The following SMIM14 variants were observed in gnomAD, a reference collection of about 807,000 sequenced individuals.
The protein encoded by SMIM14 is small integral membrane protein 14, also known as chromosome 4 open reading frame 34.
SMIM14 carries 5 observed loss-of-function variants against 12.6 expected under a neutral mutation model. That is an observed-to-expected ratio of 0.40 (90% confidence interval 0.21 to 0.83). SMIM14 has a LOEUF of 0.83. Ranked by LOEUF, SMIM14 falls within the 40% of genes least tolerant of loss-of-function variation. The pLI is 0.37. For synonymous variants in SMIM14, 30 were observed against 40.1 expected, an observed-to-expected ratio of 0.75 and a Z score of 0.95; for missense variants, 86 against 119.1, an observed-to-expected ratio of 0.72 and a Z score of 1.29.
intron 1 of SMIM14, chr4:39,611,878 T>C (rs1715049302): frequency 6.6e-6 from 1 of 152,198 alleles, no homozygotes; most frequent in Non-Finnish European, 1.5e-5. Flanking sequence ...ACATGGTGAT[T>C]TGGTGAACCA....
chr4:39,559,456 T>C (rs1278226212), intron 3 of SMIM14, among the ~76,000 whole-genome samples: 7 of 151,400 alleles, frequency 4.6e-5, no homozygotes, highest in African/African-American at 7.3e-5. Flanking sequence ...TAGAGGAAAA[T>C]GTAGTATCCC....
At chr4:39,634,960 C>T (rs1341229774) in intron 1 of SMIM14, among the ~76,000 whole-genome samples, 1 of 152,192 alleles carries the variant, frequency 6.6e-6, no homozygotes, top group Non-Finnish European at 1.5e-5. Flanking sequence ...GACAAGGTTC[C>T]ATATTCACAG....
intron 3 of SMIM14, among the ~76,000 whole-genome samples, chr4:39,557,101 G>A (rs1178929633): frequency 6.8e-6 from 1 of 146,332 alleles, no homozygotes; most frequent in African/African-American, 2.6e-5. Context: ...TGCAACCTCT[G>A]CCTCCCAAGT....
At chr4:39,614,601 C>G (rs1361996234) in intron 1 of SMIM14, among the ~76,000 whole-genome samples, 1 of 152,086 alleles carries the variant, frequency 6.6e-6, no homozygotes, top group African/African-American at 2.4e-5. Context: ...GGATTACAGG[C>G]GTAAACCACT....
At chr4:39,623,981 C>T (rs572179242) in intron 1 of SMIM14, among the ~76,000 whole-genome samples, 4 of 152,188 alleles carry the variant, frequency 2.6e-5, no homozygotes, top group Non-Finnish European at 5.9e-5. Flanking sequence ...AAAAATAGAA[C>T]GTATGCAATT....
intron 1 of SMIM14, among the ~76,000 whole-genome samples, chr4:39,629,961 C>T (rs1013110804): frequency 6.6e-6 from 1 of 152,120 alleles, no homozygotes; most frequent in African/African-American, 2.4e-5. Context: ...TTACAAAATA[C>T]TGGTGTGTTC....
At chr4:39,605,898 C>T (rs569425141) in intron 1 of SMIM14, among the ~76,000 whole-genome samples, 12 of 152,190 alleles carry the variant, frequency 7.9e-5, no homozygotes, top group Admixed American at 3.3e-4. Context: ...GCACCACGCC[C>T]GGCTACTTTT....
chr4:39,572,142 T>A (rs1018838758), intron 3 of SMIM14, among the ~76,000 whole-genome samples: 1 of 151,900 alleles, frequency 6.6e-6, no homozygotes, highest in Non-Finnish European at 1.5e-5. Flanking sequence ...TGTTCTGCAA[T>A]AAGCAGGGTT....
intron 2 of SMIM14, among the ~76,000 whole-genome samples, chr4:39,587,490 C>A (rs1245130093): frequency 1.3e-5 from 1 of 74,260 alleles, no homozygotes; most frequent in African/African-American, 4.8e-5. Flanking sequence ...AGTGAGGCTC[C>A]ATCTCAAAAA....
intron 2 of SMIM14, among the ~76,000 whole-genome samples, chr4:39,601,629 G>A (rs879725786): frequency 3.3e-5 from 5 of 152,104 alleles, no homozygotes; most frequent in Non-Finnish European, 7.4e-5. Flanking sequence ...AAGAAAAAAG[G>A]TCCTCTGAAG....
chr4:39,548,884 A>T lies in SMIM14; in HGVS notation c.*3242T>A, dbSNP rs1186909802. On this transcript the variant is annotated 3_prime_UTR_variant, in exon 5 of 5. Coordinates refer to ENST00000295958, the MANE Select transcript of SMIM14 (RefSeq NM_174921.3). ...AACTAAGTGCATGTGACAGAAATGA[A>T]GAACTAGGAATAAGAATCCAGATTT... The T allele has an allele frequency of 6.6e-6, 1 of 152,214 alleles. No homozygotes were observed. The highest frequency in any genetic ancestry group is 1.5e-5 in the Non-Finnish European group (1 of 68,036). 9.4% of individuals were successfully genotyped at this position (152,214 alleles called of 1,614,324 possible).
At chr4:39,614,159 T>G (rs1715131291) in intron 1 of SMIM14, among the ~76,000 whole-genome samples, 1 of 129,866 alleles carries the variant, frequency 7.7e-6, no homozygotes, top group Admixed American at 9.5e-5. Context: ...CACTCCAGCC[T>G]GGGCAACAAG....
At chr4:39,589,067 T>C (rs1420437359) in intron 2 of SMIM14, among the ~76,000 whole-genome samples, 1 of 152,092 alleles carries the variant, frequency 6.6e-6, no homozygotes, top group African/African-American at 2.4e-5. Context: ...ATTTTTACAG[T>C]ACTTTAATAC....
intron 4 of SMIM14, among the ~76,000 whole-genome samples, chr4:39,555,377 C>T (rs756494294): frequency 1.3e-5 from 2 of 151,818 alleles, no homozygotes; most frequent in South Asian, 4.2e-4. Context: ...AGACTACAGG[C>T]GCATGCCACC....
intron 2 of SMIM14, among the ~76,000 whole-genome samples, chr4:39,598,067 T>C (rs1714447027): frequency 6.6e-6 from 1 of 152,214 alleles, no homozygotes; most frequent in African/African-American, 2.4e-5. Context: ...TCTTGGTCCT[T>C]AACATGCAAC....
At chr4:39,576,694 T>C (rs1423118015) in intron 2 of SMIM14, among the ~76,000 whole-genome samples, 1 of 18,880 alleles carries the variant, frequency 5.3e-5, no homozygotes, top group Admixed American at 7.0e-4. Context: ...ATTTTTTTTT[T>C]TTTTTTTTTT....
chr4:39,635,006 T>C (rs932332681), intron 1 of SMIM14, among the ~76,000 whole-genome samples: 2 of 152,218 alleles, frequency 1.3e-5, no homozygotes, highest in Non-Finnish European at 2.9e-5. Context: ...GAACATTTTT[T>C]TAAAATTCCA....
At chr4:39,594,169 T>A (rs1578341779) in intron 2 of SMIM14, 3 of 152,284 alleles carry the variant, frequency 2.0e-5, no homozygotes, top group Admixed American at 2.0e-4. Context: ...AAGGCTACAG[T>A]AACCAAGACA....
At chr4:39,636,173 CAAAAAAAAAAAAAA>C (rs749292775) in intron 1 of SMIM14, among the ~76,000 whole-genome samples, 3 of 76,344 alleles carry the variant, frequency 3.9e-5, no homozygotes, top group African/African-American at 1.1e-4. Context: ...CTCCATCTCC[CAAAAAAAAAAAAAA>C]AAAAAAAAAA....
Sources: gnomAD v4.1 joint callset for allele counts (sites outside exome capture counted in the v4.1 genomes callset) on GRCh38, gnomAD v4.1.1 for gene constraint, MANE v1.5 for transcripts, NCBI Gene and HGNC (gene_info 2026-07-23, HGNC 2026-07-21) for gene names.